PCDHA8: variants seen among roughly 807,000 people sequenced by gnomAD.
The protein encoded by PCDHA8 is protocadherin alpha 8.
A neutral mutation model predicts 61.8 loss-of-function variants in PCDHA8; 53 were observed. The observed-to-expected ratio is 0.86, with a 90% confidence interval of 0.69 to 1.08. The LOEUF (loss-of-function observed/expected upper bound fraction) is 1.08, where lower values mean the gene tolerates loss of function less well. Ranked by LOEUF, PCDHA8 falls within the 50% of genes least tolerant of loss-of-function variation. The probability of loss-of-function intolerance (pLI) is 0.00; values close to 1 mark genes in which losing one functional copy is unlikely to be tolerated. For synonymous variants in PCDHA8, 618 were observed against 556.6 expected (o/e 1.11, Z -1.55); for missense variants, 1,293 against 1,245.0 (o/e 1.04, Z -0.58).
At chr5:140,857,245 C>T (rs1411907706) in intron 1 of PCDHA8, 5 of 1,598,612 alleles carry the variant, frequency 3.1e-6, no homozygotes, top group Non-Finnish European at 4.3e-6. Context: ...TGGTGTCCAC[C>T]TACAAGAATT....
chr5:140,986,247 G>A (rs758689038), intron 3 of PCDHA8, among the ~76,000 whole-genome samples: 1 of 152,012 alleles, frequency 6.6e-6, no homozygotes, highest in Non-Finnish European at 1.5e-5. Context: ...GAGCAGACCC[G>A]GACCACAGGC....
intron 1 of PCDHA8, chr5:140,883,942 G>A (rs1223058684): frequency 1.9e-6 from 3 of 1,613,328 alleles, no homozygotes; most frequent in African/African-American, 2.7e-5. Context: ...TGCTGGACGA[G>A]AACGACAACG....
At chr5:140,923,275 C>T (rs1296197801) in intron 1 of PCDHA8, among the ~76,000 whole-genome samples, 1 of 152,128 alleles carries the variant, frequency 6.6e-6, no homozygotes, top group African/African-American at 2.4e-5. Flanking sequence ...CTTGTCTCTA[C>T]AAAAAATTAA....
intron 1 of PCDHA8, chr5:140,853,229 A>G (rs2042677990): frequency 2.0e-6 from 2 of 981,308 alleles, no homozygotes; most frequent in Admixed American, 1.3e-4. Flanking sequence ...TTGGTAATTT[A>G]GTCCTTCATA....
chr5:140,858,066 AG>A, intron 1 of PCDHA8: 1 of 1,597,600 alleles, frequency 6.3e-7, no homozygotes, highest in Non-Finnish European at 8.6e-7. Flanking sequence ...GAGGGCAGCC[AG>A]GCACCCAAGG....
Position 140,842,699 on chromosome 5 carries a change from T to A in PCDHA8, c.1378T>A (p.Tyr460Asn). ...DNAPAFAQPE[Y>N]TVFVKENNPP... ...TGCTCCGGCGTTCGCGCAGCCCGAG[T>A]ACACGGTGTTCGTGAAGGAGAACAA... The change falls in exon 1 of 4, where the codon TAC becomes AAC. Residue 460 changes from tyrosine to asparagine, a missense_variant. Physicochemically the swap from Tyr to Asn is moderately radical, Grantham distance 143. Transcript: ENST00000531613. 1.9e-6 allele frequency: 3 copies of A among 1,595,060 alleles called. No individual in the cohort carries two copies. The highest frequency in any genetic ancestry group is 2.6e-6 in the Non-Finnish European group (3 of 1,165,452).
intron 1 of PCDHA8, among the ~76,000 whole-genome samples, chr5:140,890,344 A>T (rs1482265903): frequency 1.3e-5 from 2 of 152,196 alleles, no homozygotes; most frequent in Admixed American, 6.5e-5. Context: ...GGGATGGTTT[A>T]CTATATAGCA....
rs375305711 is a variant in PCDHA8 at position 140,857,742 on chromosome 5, T to C, written c.2394+14027T>C. 63 of 1,597,390 alleles carry C rather than the reference T, an allele frequency of 3.9e-5. No homozygotes were observed. In the East Asian group the frequency reaches 5.1e-4, roughly 13 times the overall value. On this transcript the variant is annotated intron_variant, in intron 1 of 3. Coordinates refer to ENST00000531613, the MANE Select transcript of PCDHA8 (RefSeq NM_018911.3). Reference sequence around the variant, plus strand: ...GAGAACGACAACGCTCCCGCGCTGCTGGCGTCTCCCGCTGGCAGCGCGGGC... The same window carrying C: ...GAGAACGACAACGCTCCCGCGCTGCCGGCGTCTCCCGCTGGCAGCGCGGGC...
At chr5:140,979,159 T>C in intron 2 of PCDHA8, 152 bp downstream of exon 2, 4 of 1,426,630 alleles carry the variant, frequency 2.8e-6, no homozygotes, top group Non-Finnish European at 3.7e-6. Flanking sequence ...CCATGTTTAT[T>C]CCTTGAAAGA....
intron 1 of PCDHA8, chr5:140,967,272 T>A: frequency 1.2e-6 from 2 of 1,613,412 alleles, no homozygotes; most frequent in Non-Finnish European, 1.7e-6. Context: ...CGCTTTCACA[T>A]AGAGAGTGCG....
intron 1 of PCDHA8, among the ~76,000 whole-genome samples, chr5:140,921,041 G>A (rs902181810): frequency 1.3e-5 from 2 of 151,820 alleles, no homozygotes; most frequent in Non-Finnish European, 2.9e-5. Flanking sequence ...GTGCAGTGGG[G>A]CAATCATAGC....
intron 1 of PCDHA8, among the ~76,000 whole-genome samples, chr5:140,872,375 C>A (rs2053630195): frequency 6.6e-6 from 1 of 152,002 alleles, no homozygotes; most frequent in Admixed American, 6.6e-5. Flanking sequence ...GCCTGTAATC[C>A]CAGCTATTTG....
chr5:140,974,744 T>A (rs966437450), intron 1 of PCDHA8, among the ~76,000 whole-genome samples: 11 of 152,144 alleles, frequency 7.2e-5, no homozygotes, highest in African/African-American at 2.4e-4. Context: ...CACCTTGGCC[T>A]CCCAAAGTGC....
intron 1 of PCDHA8, chr5:140,882,750 A>G (rs781948584): frequency 1.9e-5 from 30 of 1,614,128 alleles, no homozygotes; most frequent in Non-Finnish European, 2.4e-5. Context: ...TCCGATGCAG[A>G]TATTGGAGTA....
intron 3 of PCDHA8, among the ~76,000 whole-genome samples, chr5:140,999,478 T>C (rs2097859281): frequency 6.6e-6 from 1 of 152,172 alleles, no homozygotes; most frequent in Non-Finnish European, 1.5e-5. Flanking sequence ...AGATTCCAAC[T>C]CAAGTCTATG....
chr5:140,896,491 T>A (rs2065573741), intron 1 of PCDHA8, among the ~76,000 whole-genome samples: 1 of 152,042 alleles, frequency 6.6e-6, no homozygotes, highest in South Asian at 2.1e-4. Flanking sequence ...GCCTCCTGAG[T>A]AGCTGGGACT....
At chr5:140,992,820 TG>T (rs1554253214) in intron 3 of PCDHA8, among the ~76,000 whole-genome samples, 1 of 152,164 alleles carries the variant, frequency 6.6e-6, no homozygotes, top group Non-Finnish European at 1.5e-5. Flanking sequence ...AGGATGTGTT[TG>T]TTTTTTGGGA....
Position 140,876,798 on chromosome 5 carries a change from C to G in PCDHA8, c.2394+33083C>G, listed in dbSNP as rs199586239. 1.6e-4 allele frequency: 252 copies of G among 1,614,180 alleles called. 4 individuals are homozygous for G. The East Asian group carries it at 3.4e-3, about 22-fold the overall frequency. ...CGCTGTGGGCCACGGCTAGAGTGTC[C>G]GTGGAGGTGGCCGACGTGAACGACA... On this transcript the variant is annotated intron_variant, in intron 1 of 3. Coordinates refer to ENST00000531613, the MANE Select transcript of PCDHA8 (RefSeq NM_018911.3).
At chr5:140,869,975 T>C (rs1562636456) in intron 1 of PCDHA8, 1 of 1,613,324 alleles carries the variant, frequency 6.2e-7, no homozygotes, top group Non-Finnish European at 8.5e-7. Flanking sequence ...GGAAGACACT[T>C]ATTTACACTA....
Sources: allele counts gnomAD v4.1 joint callset (sites outside exome capture counted in the v4.1 genomes callset), GRCh38; gene constraint gnomAD v4.1.1; transcripts MANE v1.5; gene names NCBI Gene and HGNC (gene_info 2026-07-23, HGNC 2026-07-21).